Variants in PTPN11 observed in about 807,000 individuals in gnomAD.
PTPN11 encodes the protein protein tyrosine phosphatase non-receptor type 11.
A neutral mutation model predicts 78.8 loss-of-function variants in PTPN11; 6 were observed. The observed-to-expected ratio is 0.08, with a 90% CI of 0.04 to 0.15. The LOEUF (loss-of-function observed/expected upper bound fraction) is 0.15, where lower values mean the gene tolerates loss of function less well. Among genes scored for constraint, PTPN11 ranks in the 10% least tolerant of loss-of-function variants. PTPN11 has a pLI of 1.00. For missense variants in PTPN11, 386 were observed against 744.8 expected, an observed-to-expected ratio of 0.52 and a Z score of 5.61; for synonymous variants, 221 against 263.5, an observed-to-expected ratio of 0.84 and a Z score of 1.56.
At chr12:112,457,386 A>G (rs1295221622) in intron 6 of PTPN11, 2 of 225,780 alleles carry the variant, frequency 8.9e-6, no homozygotes, top group East Asian at 3.5e-4. Flanking sequence ...CATGGTGTGT[A>G]TGTGCCACAT....
chr12:112,475,620 T>C (rs576799945), intron 7 of PTPN11, among the ~76,000 whole-genome samples: 1 of 152,356 alleles, frequency 6.6e-6, no homozygotes, highest in African/African-American at 2.4e-5. Context: ...TGTGTATACA[T>C]TTCAGCATAG....
At chr12:112,505,130 T>C (rs1429428503) in intron 15 of PTPN11, among the ~76,000 whole-genome samples, 2 of 152,142 alleles carry the variant, frequency 1.3e-5, no homozygotes, top group Admixed American at 6.5e-5. Context: ...GGATGATCTG[T>C]AGGGATCTGG....
chr12:112,453,408 T>C (rs1279826416), intron 4 of PTPN11, 21 bp downstream of exon 4: 2 of 1,611,782 alleles, frequency 1.2e-6, no homozygotes, highest in Non-Finnish European at 1.7e-6. Flanking sequence ...AGTTGAAAAA[T>C]GGGTCTGGCA....
chr12:112,471,345 CT>C (rs1352950391), intron 6 of PTPN11, among the ~76,000 whole-genome samples: 2 of 149,006 alleles, frequency 1.3e-5, no homozygotes, highest in East Asian at 3.9e-4. Flanking sequence ...AAACACTAGG[CT>C]TTTTGTAAAC....
intron 2 of PTPN11, among the ~76,000 whole-genome samples, chr12:112,448,452 A>G (rs1187643204): frequency 6.6e-6 from 1 of 151,876 alleles, no homozygotes; most frequent in African/African-American, 2.4e-5. Flanking sequence ...CTTGGCCTCA[A>G]GGGATCTGCC....
chr12:112,484,061 A>G (rs1408790811), intron 10 of PTPN11, among the ~76,000 whole-genome samples: 1 of 152,070 alleles, frequency 6.6e-6, no homozygotes, highest in Non-Finnish European at 1.5e-5. Context: ...TTCTGTGGCA[A>G]CAGGAGGGCA....
chr12:112,474,533 C>T (rs2038469190), intron 7 of PTPN11, among the ~76,000 whole-genome samples: 1 of 152,064 alleles, frequency 6.6e-6, no homozygotes, highest in Non-Finnish European at 1.5e-5. Context: ...TTCTGTAACA[C>T]CCAAATGCCA....
At chr12:112,430,309 G>GGC (rs1037232493) in intron 1 of PTPN11, among the ~76,000 whole-genome samples, 43 of 152,222 alleles carry the variant, frequency 2.8e-4, no homozygotes, top group African/African-American at 1.0e-3. Context: ...GCCATATATT[G>GGC]CTTTTTTCTT....
rs139233208 is a variant in PTPN11 at position 112,426,512 on chromosome 12, C to T, written c.14+7387C>T. Among the ~76,000 whole-genome samples the T allele has an allele frequency of 9.7e-3, 1,472 of 152,312 alleles. 23 individuals are homozygous for T. Among genetic ancestry groups the T allele is most frequent in the African/African-American group, 0.034 (1,401 of 41,562 alleles). On this transcript the variant is annotated intron_variant, in intron 1 of 15. Transcript: ENST00000351677. The stretch of plus-strand genomic sequence containing the variant: ...CTTCAGGTGATCTACCTGCCTCAGC[C>T]TCCCAAAGTGATGGGATTACAGGTG...
At chr12:112,419,156 C>T (rs1345560438) in intron 1 of PTPN11, 31 bp downstream of exon 1, 5 of 1,490,752 alleles carry the variant, frequency 3.4e-6, no homozygotes, top group Non-Finnish European at 3.6e-6. Flanking sequence ...CGGCGCGGGC[C>T]TCGGCCCGGC....
chr12:112,499,207 T>C (rs548466858), intron 13 of PTPN11, among the ~76,000 whole-genome samples: 1 of 149,860 alleles, frequency 6.7e-6, no homozygotes, highest in South Asian at 2.1e-4. Context: ...TTTTAAAAAT[T>C]GCTTTTAAAA....
chr12:112,450,521 C>T lies in PTPN11; in HGVS notation c.332+9C>T. ...GATCCTACCTCTGAAAGGTCAGTAA[C>T]ATTTTAGTGACCACAAAGTCTGCTG... On this transcript the variant is annotated intron_variant, in intron 3 of 15. Coordinates refer to ENST00000351677, the MANE Select transcript of PTPN11 (RefSeq NM_002834.5). 1.2e-6 allele frequency: 2 copies of T among 1,611,836 alleles called. No individual in the cohort carries two copies. The highest frequency in any genetic ancestry group is 1.7e-6 in the Non-Finnish European group (2 of 1,178,042).
Position 112,450,457 on chromosome 12 carries a change from G to C in PTPN11, c.277G>C (p.Gly93Arg), listed in dbSNP as rs1225001423. 1 of 1,613,918 alleles carries C rather than the reference G, an allele frequency of 6.2e-7. No individual in the cohort carries two copies. Among genetic ancestry groups the C allele is most frequent in the Admixed American group, 1.7e-5 (1 of 59,988 alleles). The change falls in exon 3 of 16, where the codon GGA (glycine) becomes CGA (arginine). Residue 93 changes from glycine (G) to arginine (R), a missense_variant. Physicochemically the swap from Gly to Arg is moderately radical, Grantham distance 125. This residue lies in a region of PTPN11 where 279 missense variants were observed against 503.3 expected (regional missense o/e 0.55). Coordinates refer to ENST00000351677, the MANE Select transcript of PTPN11 (RefSeq NM_002834.5). ...TCACGGGCAATTAAAAGAGAAGAAT[G>C]GAGATGTCATTGAGCTTAAATATCC... ...EHHGQLKEKN[G>R]DVIELKYPLN... is the part of the protein sequence containing the mutation.
intron 2 of PTPN11, among the ~76,000 whole-genome samples, chr12:112,449,541 A>C (rs2038048108): frequency 6.6e-6 from 1 of 152,094 alleles, no homozygotes; most frequent in African/African-American, 2.4e-5. Context: ...ATTGCTGCAT[A>C]GTATTCCATT....
At chr12:112,454,818 CTTTT>C (rs753974743) in intron 5 of PTPN11, 138 bp downstream of exon 5, 799 of 473,148 alleles carry the variant, frequency 1.7e-3, no homozygotes, top group East Asian at 3.7e-3. Context: ...ACTATCAAAT[CTTTT>C]TTTTTTTTTT....
At chr12:112,456,152 G>C in intron 6 of PTPN11, 89 bp downstream of exon 6, 1 of 864,554 alleles carries the variant, frequency 1.2e-6, no homozygotes, top group South Asian at 1.4e-5. Flanking sequence ...AATTGGACCT[G>C]AGAGACTTGA....
intron 1 of PTPN11, among the ~76,000 whole-genome samples, chr12:112,437,341 T>G (rs2037810134): frequency 6.6e-6 from 1 of 151,846 alleles, no homozygotes; most frequent in Non-Finnish European, 1.5e-5. Flanking sequence ...TATTTTTTTT[T>G]TAGTACAGAT....
At chr12:112,501,994 A>G (rs982481236) in intron 13 of PTPN11, 150 bp from the exon 14 acceptor site, 7 of 668,942 alleles carry the variant, frequency 1.0e-5, no homozygotes, top group African/African-American at 7.3e-5. Context: ...TCCCCTAACA[A>G]TTTGGTCAAT....
chr12:112,421,159 C>G (rs898551244), intron 1 of PTPN11, among the ~76,000 whole-genome samples: 2 of 152,020 alleles, frequency 1.3e-5, no homozygotes, highest in South Asian at 4.1e-4. Context: ...CCCAAAAAGC[C>G]GGGTTATGAA....
Sources: gnomAD v4.1 joint callset for allele counts (sites outside exome capture counted in the v4.1 genomes callset) on GRCh38, gnomAD v4.1.1 for gene constraint, gnomAD v4.1.1 regional missense constraint, MANE v1.5 for transcripts, NCBI Gene and HGNC (gene_info 2026-07-23, HGNC 2026-07-21) for gene names.